The following TDRP variants were observed in gnomAD, a reference collection of about 807,000 sequenced individuals.
The protein encoded by TDRP is testis development-related protein.
TDRP carries 12 observed loss-of-function variants against 10.5 expected under a neutral mutation model. That is an observed-to-expected ratio of 1.15 (90% CI 0.73 to 1.86). The LOEUF (loss-of-function observed/expected upper bound fraction) is 1.86. TDRP is among the 40% of genes most tolerant of loss of function. TDRP has a pLI of 0.00. For missense variants in TDRP, 353 were observed against 229.2 expected (o/e 1.54, Z -3.49); for synonymous variants, 139 against 95.4 (o/e 1.46, Z -2.67).
At chr8:515,051 G>T (rs1353534742) in intron 1 of TDRP, among the ~76,000 whole-genome samples, 1 of 152,102 alleles carries the variant, frequency 6.6e-6, no homozygotes, top group Non-Finnish European at 1.5e-5. Flanking sequence ...GGAGACACAG[G>T]TCAGGCTTCA....
chr8:510,310 C>G (rs1048940296), intron 1 of TDRP, among the ~76,000 whole-genome samples: 3 of 152,100 alleles, frequency 2.0e-5, no homozygotes, highest in Admixed American at 6.5e-5. Context: ...CCCCCCATCC[C>G]GAGGCTATCT....
chr8:504,099 C>T (rs967427996), intron 1 of TDRP, among the ~76,000 whole-genome samples: 4 of 152,202 alleles, frequency 2.6e-5, no homozygotes, highest in African/African-American at 9.7e-5. Flanking sequence ...TCCAGAGCCA[C>T]GTGTCGGAAC....
intron 1 of TDRP, among the ~76,000 whole-genome samples, chr8:499,589 T>A (rs866663363): frequency 6.6e-6 from 1 of 152,306 alleles, no homozygotes; most frequent in Non-Finnish European, 1.5e-5. Flanking sequence ...TAGAAGAGGT[T>A]GGAGTCCTAG....
intron 1 of TDRP, among the ~76,000 whole-genome samples, chr8:513,540 T>G (rs1224428334): frequency 6.6e-6 from 1 of 152,208 alleles, no homozygotes; most frequent in Non-Finnish European, 1.5e-5. Flanking sequence ...ATATCTCAGC[T>G]AACACAACAT....
At chr8:527,501 C>G (rs891697686) in intron 1 of TDRP, among the ~76,000 whole-genome samples, 24 of 151,852 alleles carry the variant, frequency 1.6e-4, no homozygotes, top group African/African-American at 5.3e-4. Context: ...TCATGTTACC[C>G]GACTTCAAAT....
At position 518,727 on chromosome 8, in the gene TDRP, G is replaced by GA. The variant is rs1359411692; in HGVS notation, c.109-24131dup. Among the ~76,000 whole-genome samples the GA allele has an allele frequency of 1.6e-3, 240 of 148,614 alleles. 1 individual carries two copies. Among genetic ancestry groups the GA allele is most frequent in the African/African-American group, 5.5e-3 (223 of 40,600 alleles). On this transcript the variant is annotated intron_variant, in intron 1 of 2. Transcript: ENST00000324079. ...TTCCTTTCTAAGCCTTAGGGCAAATGAAAAAAAATTGGAAAAGTAAATAGA... is the reference window on the plus strand; with the variant it reads ...TTCCTTTCTAAGCCTTAGGGCAAATGAAAAAAAAATTGGAAAAGTAAATAGA...
intron 1 of TDRP, among the ~76,000 whole-genome samples, chr8:533,990 A>G (rs1281920868): frequency 4.6e-5 from 7 of 152,224 alleles, no homozygotes; most frequent in Non-Finnish European, 1.5e-5. Context: ...CCAAAACACA[A>G]TTTTATCAGT....
chr8:544,872 G>C (rs1054352914), upstream of TDRP: 252 of 663,004 alleles, frequency 3.8e-4, no homozygotes, highest in Non-Finnish European at 5.0e-4. Context: ...CAGTGGGCCG[G>C]GCGGGGCTAG....
intron 2 of TDRP, among the ~76,000 whole-genome samples, chr8:494,147 T>C (rs1801062427): frequency 6.6e-6 from 1 of 151,426 alleles, no homozygotes; most frequent in Non-Finnish European, 1.5e-5. Flanking sequence ...TTTTTTAGTA[T>C]AGACGGGGTT....
At chr8:524,332 C>T (rs1468439245) in intron 1 of TDRP, among the ~76,000 whole-genome samples, 2 of 152,130 alleles carry the variant, frequency 1.3e-5, no homozygotes, top group Non-Finnish European at 2.9e-5. Context: ...AGGATGGGTA[C>T]AAACAAGCCC....
intron 1 of TDRP, among the ~76,000 whole-genome samples, chr8:528,508 C>G (rs905426641): frequency 1.3e-5 from 2 of 149,676 alleles, no homozygotes; most frequent in Admixed American, 6.8e-5. Flanking sequence ...TGGAAGCAAC[C>G]TAAGTATCCA....
intron 1 of TDRP, among the ~76,000 whole-genome samples, chr8:500,728 G>A (rs77905781): frequency 0.019 from 2,887 of 152,286 alleles, 48 homozygotes; most frequent in Non-Finnish European, 0.025. Flanking sequence ...AGGTGTATCG[G>A]ACTCCGGCCC....
At chr8:528,294 T>G (rs1174940291) in intron 1 of TDRP, among the ~76,000 whole-genome samples, 2 of 152,190 alleles carry the variant, frequency 1.3e-5, no homozygotes, top group Admixed American at 6.5e-5. Context: ...AAGGAAACCG[T>G]TGTACACTAT....
intron 1 of TDRP, among the ~76,000 whole-genome samples, chr8:529,625 T>C (rs1342765640): frequency 1.3e-5 from 2 of 152,234 alleles, no homozygotes; most frequent in African/African-American, 2.4e-5. Context: ...AAGATGGTTT[T>C]GCCAGCTACA....
intron 1 of TDRP, among the ~76,000 whole-genome samples, chr8:512,559 T>C (rs963451397): frequency 2.6e-5 from 4 of 151,032 alleles, no homozygotes; most frequent in Admixed American, 6.6e-5. Flanking sequence ...AAATCAAGAA[T>C]ATAAAGAAAC....
chr8:502,370 G>A (rs566092434), intron 1 of TDRP, among the ~76,000 whole-genome samples: 1 of 152,192 alleles, frequency 6.6e-6, no homozygotes, highest in Non-Finnish European at 1.5e-5. Context: ...CCACAGGAAG[G>A]CCCGCAGCCG....
intron 1 of TDRP, among the ~76,000 whole-genome samples, chr8:504,429 G>A (rs150351747): frequency 6.6e-6 from 1 of 152,104 alleles, no homozygotes; most frequent in Non-Finnish European, 1.5e-5. Flanking sequence ...GGGAGGCAGG[G>A]GAAGGGCCTA....
intron 1 of TDRP, among the ~76,000 whole-genome samples, chr8:504,733 A>G (rs893416889): frequency 3.3e-5 from 5 of 152,268 alleles, no homozygotes; most frequent in African/African-American, 9.6e-5. Context: ...ACAATAGTCA[A>G]TCTGAAGATC....
chr8:498,127 G>C (rs367924364), intron 1 of TDRP, among the ~76,000 whole-genome samples: 21 of 152,204 alleles, frequency 1.4e-4, no homozygotes, highest in African/African-American at 4.8e-4. Flanking sequence ...GTCCCCACTG[G>C]AGTACTGCCT....
Sources: gnomAD v4.1 joint callset for allele counts (sites outside exome capture counted in the v4.1 genomes callset) on GRCh38, gnomAD v4.1.1 for gene constraint, MANE v1.5 for transcripts, NCBI Gene and HGNC (gene_info 2026-07-23, HGNC 2026-07-21) for gene names.